Variants in SMR3B observed in about 807,000 individuals in gnomAD.
SMR3B encodes the protein submaxillary gland androgen-regulated protein 3B.
For missense variants in SMR3B, 114 were observed against 99.9 expected (o/e 1.14, Z -0.60); for synonymous variants, 42 against 36.1 (o/e 1.16, Z -0.59).
chr4:70,384,401 T>C, intron 1 of SMR3B, 96 bp from the exon 2 acceptor site: 1 of 1,564,192 alleles, frequency 6.4e-7, no homozygotes, highest in South Asian at 1.2e-5. Context: ...TATAGTAGGA[T>C]ATTTGTATTA....
chr4:70,384,779 G>A (rs2109760185), intron 2 of SMR3B: 3 of 862,930 alleles, frequency 3.5e-6, no homozygotes, highest in Non-Finnish European at 5.1e-6. Flanking sequence ...CAAGTCTGTG[G>A]TATCAGACTG....
At chr4:70,387,236 A>C (rs866987273) in intron 2 of SMR3B, among the ~76,000 whole-genome samples, 1 of 152,210 alleles carries the variant, frequency 6.6e-6, no homozygotes, top group Non-Finnish European at 1.5e-5. Context: ...CAAATGATCT[A>C]TTTAAACTTT....
At chr4:70,386,164 T>G (rs1444955182) in intron 2 of SMR3B, among the ~76,000 whole-genome samples, 3 of 149,984 alleles carry the variant, frequency 2.0e-5, no homozygotes, top group African/African-American at 7.4e-5. Flanking sequence ...TTCCAGCTAC[T>G]CCAGAGGCTG....
At position 70,389,870 on chromosome 4, in the gene SMR3B, GC is replaced by G; in HGVS notation, c.*26del. 13 of 1,612,060 alleles carry G rather than the reference GC, an allele frequency of 8.1e-6. No homozygotes were observed. The highest frequency in any genetic ancestry group is 1.1e-5 in the Non-Finnish European group (13 of 1,178,766). ...CTAAGGTCCACCACTCCATCCTGAT[GC>G]CCCAGGTTATCCACAGCCTCCTTCC... On this transcript the variant is annotated 3_prime_UTR_variant, in exon 3 of 3. Coordinates refer to ENST00000304915, the MANE Select transcript of SMR3B (RefSeq NM_006685.4).
chr4:70,390,240 A>G lies in SMR3B; in HGVS notation c.*392A>G. 2.1e-6 allele frequency: 1 copy of G among 470,886 alleles called. No individual in the cohort carries two copies. The highest frequency in any genetic ancestry group is 3.9e-6 in the Non-Finnish European group (1 of 258,074). 29.2% of individuals were successfully genotyped at this position (470,886 alleles called of 1,614,324 possible). A position where few individuals can be genotyped will look rare whatever the true frequency, so the allele number is the denominator to read the frequency against. On this transcript the variant is annotated 3_prime_UTR_variant, in exon 3 of 3. Transcript: ENST00000304915. ...ATGAGGCAAAAATAAAGAATTGAGC[A>G]CCAATATGAAGTCTCCACTGTTGTC...
chr4:70,384,723 A>C lies in SMR3B; in HGVS notation c.54+159A>C, dbSNP rs1262490254. ...GGGCTTAAATTTAAATTTAAAATCT[A>C]ATTTAAATAACCACACATGTCTGAT... is the stretch of plus-strand genomic sequence containing the variant. On this transcript the variant is annotated intron_variant, in intron 2 of 2. Transcript: ENST00000304915. The C allele has an allele frequency of 3.6e-6, 5 of 1,397,490 alleles. No individual in the cohort carries two copies. The African/African-American group carries it at 4.4e-5, about 12-fold the overall frequency. The allele number at this position is 1,397,490 out of a possible 1,614,324, so 86.6% of individuals were successfully genotyped here. A position where few individuals can be genotyped will look rare whatever the true frequency, so the allele number is the denominator to read the frequency against.
intron 2 of SMR3B, among the ~76,000 whole-genome samples, chr4:70,389,358 C>T (rs767977180): frequency 6.6e-6 from 1 of 152,158 alleles, no homozygotes; most frequent in East Asian, 1.9e-4. Flanking sequence ...AGCCAGGGGC[C>T]ACTCTCGGCT....
chr4:70,386,451 C>T (rs1014111398), intron 2 of SMR3B, among the ~76,000 whole-genome samples: 8 of 151,572 alleles, frequency 5.3e-5, no homozygotes, highest in African/African-American at 1.9e-4. Context: ...TACACACACA[C>T]ACACACAAAT....
Position 70,389,691 on chromosome 4 carries a change from G to A in SMR3B, c.83G>A (p.Gly28Glu). ...TPGESQRGPR[G>E]PYPPGPLAPP... The stretch of plus-strand genomic sequence containing the variant: ...GGTGAGAGTCAAAGAGGCCCCAGGG[G>A]ACCATATCCACCTGGACCGCTGGCT... Residue 28 changes from glycine to glutamate, a missense_variant, in exon 3 of 3, where the codon GGA becomes GAA. Coordinates refer to ENST00000304915, the MANE Select transcript of SMR3B (RefSeq NM_006685.4). 3 of 1,614,028 alleles carry A rather than the reference G, an allele frequency of 1.9e-6. No individual in the cohort carries two copies. Among genetic ancestry groups the A allele is most frequent in the Non-Finnish European group, 2.5e-6 (3 of 1,180,006 alleles).
intron 2 of SMR3B, among the ~76,000 whole-genome samples, chr4:70,386,792 A>C (rs1170065985): frequency 6.6e-6 from 1 of 152,228 alleles, no homozygotes; most frequent in African/African-American, 2.4e-5. Flanking sequence ...TTTCAACAAT[A>C]AAAGTGAATG....
At position 70,389,790 on chromosome 4, in the gene SMR3B, C is replaced by G. The variant is rs756295663; in HGVS notation, c.182C>G (p.Pro61Arg). 3.1e-6 allele frequency: 5 copies of G among 1,613,774 alleles called. No individual in the cohort carries two copies. In the African/African-American group the frequency reaches 4.0e-5, roughly 13 times the overall value. ...CCCTATGGTCCAGGGAGAATCCCAC[C>G]TCCTCCTCCCGCACCCTATGGTCCA... ...PPPYGPGRIPPPPPAPYGPGI... is the reference protein window; with the variant it reads ...PPPYGPGRIPRPPPAPYGPGI... Residue 61 changes from proline to arginine, a missense_variant, in exon 3 of 3, where the codon CCT becomes CGT. Pro to Arg is a moderately radical substitution (Grantham distance 103, BLOSUM62 -2). Transcript: ENST00000304915.
At chr4:70,384,898 T>C (rs1732632382) in intron 2 of SMR3B, 1 of 202,486 alleles carries the variant, frequency 4.9e-6, no homozygotes, top group Non-Finnish European at 1.0e-5. Context: ...TCCCAGCATG[T>C]AGTTTATGGA....
intron 1 of SMR3B, among the ~76,000 whole-genome samples, chr4:70,383,589 C>A (rs1284505463): frequency 6.6e-6 from 1 of 152,022 alleles, no homozygotes; most frequent in East Asian, 1.9e-4. Flanking sequence ...TTTTGTTTTT[C>A]AAACTTAATT....
At chr4:70,387,872 A>G (rs1448962933) in intron 2 of SMR3B, among the ~76,000 whole-genome samples, 1 of 152,242 alleles carries the variant, frequency 6.6e-6, no homozygotes, top group East Asian at 1.9e-4. Flanking sequence ...CTGATGGTAC[A>G]GTGCTTGTGA....
In SMR3B at chr4:70,390,213, C is replaced by T. The variant is rs1008981768; in HGVS notation, c.*365C>T. On this transcript the variant is annotated 3_prime_UTR_variant, in exon 3 of 3. Coordinates refer to ENST00000304915, the MANE Select transcript of SMR3B (RefSeq NM_006685.4). ...ACCCATGCAGACATAACATTTATAC[C>T]AATGAGGCAAAAATAAAGAATTGAG... The T allele has an allele frequency of 9.1e-5, 48 of 529,808 alleles. No homozygotes were observed. Among genetic ancestry groups the T allele is most frequent in the African/African-American group, 9.0e-4 (47 of 52,182 alleles). The allele number at this position is 529,808 out of a possible 1,614,324, so 32.8% of individuals were successfully genotyped here. A position where few individuals can be genotyped will look rare whatever the true frequency, so the allele number is the denominator to read the frequency against.
In SMR3B at chr4:70,383,138, T is replaced by C. The variant is rs1732585180; in HGVS notation, c.-89T>C. 6.6e-6 allele frequency: 1 copy of C among 152,180 alleles called. No homozygotes were observed. The highest frequency in any genetic ancestry group is 1.5e-5 in the Non-Finnish European group (1 of 68,006). The allele number at this position is 152,180 out of a possible 1,614,324, so 9.4% of individuals were successfully genotyped here. A position where few individuals can be genotyped will look rare whatever the true frequency, so the allele number is the denominator to read the frequency against. ...GATTTCTTGTCCCTTTTCACCTTTATTTGCCGTCTTTCAACTGGCAAGAGT... is the reference window on the plus strand; with the variant it reads ...GATTTCTTGTCCCTTTTCACCTTTACTTGCCGTCTTTCAACTGGCAAGAGT... On this transcript the variant is annotated 5_prime_UTR_variant, in exon 1 of 3. Coordinates refer to ENST00000304915, the MANE Select transcript of SMR3B (RefSeq NM_006685.4).
intron 2 of SMR3B, chr4:70,385,092 T>C (rs759472111): frequency 6.6e-6 from 1 of 152,318 alleles, no homozygotes; most frequent in Non-Finnish European, 1.5e-5. Context: ...CTACTTTGTA[T>C]ACAAAACCAG....
At chr4:70,385,084 A>G (rs959792230) in intron 2 of SMR3B, 1 of 152,406 alleles carries the variant, frequency 6.6e-6, no homozygotes, top group Non-Finnish European at 1.5e-5. Flanking sequence ...ATAAACAGCT[A>G]CTTTGTATAC....
chr4:70,389,241 T>C (rs1377704700), intron 2 of SMR3B, among the ~76,000 whole-genome samples: 1 of 152,186 alleles, frequency 6.6e-6, no homozygotes, highest in Non-Finnish European at 1.5e-5. Flanking sequence ...CCCACTGCTG[T>C]ATTTCTTTTT....
Sources: allele counts gnomAD v4.1 joint callset (sites outside exome capture counted in the v4.1 genomes callset), GRCh38; gene constraint gnomAD v4.1.1; transcripts MANE v1.5; gene names NCBI Gene and HGNC (gene_info 2026-07-23, HGNC 2026-07-21).